Variants in KAT14 observed in about 807,000 individuals in gnomAD.
The protein encoded by KAT14 is lysine acetyltransferase 14.
A neutral mutation model predicts 78.4 loss-of-function variants in KAT14; 66 were observed. The ratio of observed to expected loss-of-function variants is 0.84; its 90% CI spans 0.69 to 1.03. KAT14 has a LOEUF of 1.03. Ranked by LOEUF, KAT14 falls within the 50% of genes least tolerant of loss-of-function variation. The pLI is 0.00. For synonymous variants in KAT14, 344 were observed against 359.4 expected, an observed-to-expected ratio of 0.96 and a Z score of 0.48; for missense variants, 870 against 972.5, an observed-to-expected ratio of 0.89 and a Z score of 1.40.
At chr20:18,159,353 C>T (rs2146416455) in intron 5 of KAT14, 88 bp downstream of exon 5, 1 of 1,470,364 alleles carries the variant, frequency 6.8e-7, no homozygotes, top group Non-Finnish European at 9.1e-7. Flanking sequence ...TTCCACTGGG[C>T]ATGGCTCGCA....
At chr20:18,141,039 T>TTTTA (rs1568661516) in intron 1 of KAT14, among the ~76,000 whole-genome samples, 10 of 24,252 alleles carry the variant, frequency 4.1e-4, no homozygotes, top group South Asian at 2.2e-3. Context: ...TTTTTTTTTT[T>TTTTA]TTTTTTTATT....
intron 9 of KAT14, among the ~76,000 whole-genome samples, chr20:18,184,199 C>T (rs2039368897): frequency 6.6e-6 from 1 of 152,146 alleles, no homozygotes; most frequent in Non-Finnish European, 1.5e-5. Context: ...TGTGATAGAA[C>T]ACGCTCGGAG....
chr20:18,187,192 A>G (rs763658708), intron 10 of KAT14, 94 bp from the exon 11 acceptor site: 14 of 1,462,086 alleles, frequency 9.6e-6, no homozygotes, highest in Non-Finnish European at 1.3e-5. Flanking sequence ...CGGTTTCCAT[A>G]ACTAACTGCC....
At chr20:18,138,108 C>G (rs543047684) in intron 1 of KAT14, 57 bp downstream of exon 1, 3 of 1,419,286 alleles carry the variant, frequency 2.1e-6, no homozygotes, top group Non-Finnish European at 2.8e-6. Context: ...GACCTGGGGC[C>G]TCTCGTGGTC....
At chr20:18,139,908 A>C (rs2037464594) in intron 1 of KAT14, among the ~76,000 whole-genome samples, 1 of 152,206 alleles carries the variant, frequency 6.6e-6, no homozygotes, top group Admixed American at 6.5e-5. Context: ...AAAATTAAGC[A>C]GTGCTACATG....
At chr20:18,158,966 C>T in intron 4 of KAT14, 118 bp from the exon 5 acceptor site, 1 of 1,274,770 alleles carries the variant, frequency 7.8e-7, no homozygotes, top group Non-Finnish European at 1.0e-6. Context: ...TGCTCTGCTC[C>T]TTCAGTAGCT....
intron 7 of KAT14, among the ~76,000 whole-genome samples, chr20:18,163,975 G>A (rs548531849): frequency 5.9e-5 from 9 of 152,242 alleles, no homozygotes; most frequent in South Asian, 2.1e-4. Context: ...AGGCTTTGCC[G>A]GCCACAAAAT....
At chr20:18,147,571 A>G (rs1438869958) in intron 3 of KAT14, among the ~76,000 whole-genome samples, 1 of 152,070 alleles carries the variant, frequency 6.6e-6, no homozygotes, top group Non-Finnish European at 1.5e-5. Context: ...ATATTTATTT[A>G]TTCTTTTTAA....
intron 3 of KAT14, 124 bp from the exon 4 acceptor site, chr20:18,150,697 C>T (rs41276416): frequency 0.022 from 32,744 of 1,461,570 alleles, 614 homozygotes; most frequent in African/African-American, 0.086. Context: ...TACCGTCCGT[C>T]CTTTGTTCGC....
chr20:18,155,241 A>C (rs1351258919), intron 4 of KAT14, among the ~76,000 whole-genome samples: 2 of 152,194 alleles, frequency 1.3e-5, no homozygotes, highest in Non-Finnish European at 2.9e-5. Context: ...ACAAGATCTA[A>C]GAGAATGCTA....
chr20:18,162,244 G>C lies in KAT14; in HGVS notation c.1099+5G>C. 6.2e-7 allele frequency: 1 copy of C among 1,613,676 alleles called. No individual in the cohort carries two copies. Among genetic ancestry groups the C allele is most frequent in the Non-Finnish European group, 8.5e-7 (1 of 1,179,800 alleles). On this transcript the variant is annotated splice_donor_5th_base_variant and intron_variant, in intron 6 of 10. Transcript: ENST00000688188. ...CCCCACAAGCCTTGTTTCATGGTAA[G>C]AGTTTGTTTGCTTTGCTCTTTTATT... is the stretch of plus-strand genomic sequence containing the variant.
chr20:18,152,215 G>A (rs147698023), intron 4 of KAT14, among the ~76,000 whole-genome samples: 1 of 152,204 alleles, frequency 6.6e-6, no homozygotes, highest in Non-Finnish European at 1.5e-5. Context: ...GACCAAGGTT[G>A]GAGGATCACT....
chr20:18,160,253 T>TA (rs1187202503), intron 5 of KAT14, among the ~76,000 whole-genome samples: 3 of 152,162 alleles, frequency 2.0e-5, no homozygotes, highest in East Asian at 1.9e-4. Context: ...AAATAGTACT[T>TA]AAGGGTGTAA....
intron 10 of KAT14, among the ~76,000 whole-genome samples, chr20:18,185,381 T>C (rs751240527): frequency 1.3e-5 from 2 of 152,152 alleles, no homozygotes; most frequent in East Asian, 3.9e-4. Context: ...GGCTGATTTT[T>C]TGTAGGGACA....
rs149600145 is a variant in KAT14, at chr20:18,172,290, T to G, written c.1668+9345T>G. Among the ~76,000 whole-genome samples, 1,073 of 152,056 alleles carry G rather than the reference T, an allele frequency of 7.1e-3. 7 individuals are homozygous for G. Among genetic ancestry groups the G allele is most frequent in the Non-Finnish European group, 0.011 (771 of 67,968 alleles). On this transcript the variant is annotated intron_variant, in intron 7 of 10. Coordinates refer to ENST00000688188, the MANE Select transcript of KAT14 (RefSeq NM_001392073.1). ...CTAATTTTTGTATTTTTAGTAGAGA[T>G]GGGATTTCACCATATTGGCCAGGCT...
intron 4 of KAT14, among the ~76,000 whole-genome samples, chr20:18,158,194 C>T (rs1256880660): frequency 6.6e-6 from 1 of 152,222 alleles, no homozygotes; most frequent in East Asian, 1.9e-4. Flanking sequence ...CCTCGGCCTC[C>T]CAAAGTGCTG....
intron 7 of KAT14, among the ~76,000 whole-genome samples, chr20:18,176,654 G>A (rs544031277): frequency 6.6e-6 from 1 of 152,332 alleles, no homozygotes; most frequent in East Asian, 1.9e-4. Flanking sequence ...AGTTGGGTTG[G>A]TGTATGTGGC....
intron 5 of KAT14, among the ~76,000 whole-genome samples, chr20:18,159,756 A>G (rs1302960021): frequency 1.3e-5 from 2 of 152,314 alleles, no homozygotes; most frequent in African/African-American, 2.4e-5. Context: ...ATGTATCTCT[A>G]AGAGATCAGG....
At chr20:18,163,189 A>C (rs370781244) in intron 7 of KAT14, among the ~76,000 whole-genome samples, 1 of 152,242 alleles carries the variant, frequency 6.6e-6, no homozygotes, top group African/African-American at 2.4e-5. Flanking sequence ...AACATAACCT[A>C]TAAGTTTTCT....
Sources: allele counts gnomAD v4.1 joint callset (sites outside exome capture counted in the v4.1 genomes callset), GRCh38; gene constraint gnomAD v4.1.1; transcripts MANE v1.5; gene names NCBI Gene and HGNC (gene_info 2026-07-23, HGNC 2026-07-21).